Variants in AUTS2 observed in about 807,000 individuals in gnomAD.
The protein encoded by AUTS2 is autism susceptibility gene 2 protein.
In AUTS2, 17 loss-of-function variants were observed where a neutral mutation model predicts 112.4. That is an observed-to-expected ratio of 0.15 (90% CI 0.10 to 0.23). AUTS2 has a LOEUF of 0.23. Among genes scored for constraint, AUTS2 ranks in the 10% least tolerant of loss-of-function variants. The pLI is 1.00. For synonymous variants in AUTS2, 751 were observed against 702.7 expected (o/e 1.07, Z -1.09); for missense variants, 1,510 against 1,701.6 (o/e 0.89, Z 1.98).
At position 70,764,752 on chromosome 7, in the gene AUTS2, C is replaced by T; in HGVS notation, c.1215C>T (p.Ser405=). The T allele has an allele frequency of 1.4e-6, 1 of 729,428 alleles. No homozygotes were observed. The highest frequency in any genetic ancestry group is 2.5e-6 in the Non-Finnish European group (1 of 395,738). 45.2% of individuals were successfully genotyped at this position (729,428 alleles called of 1,614,324 possible). A position where few individuals can be genotyped will look rare whatever the true frequency, so the allele number is the denominator to read the frequency against. ...TTTCTTTTTTTTCTTGTTCCGATAG[C>T]AGCAGCAGAAGCAGCACTCCAGCGA... ...NSSSLSLNSL[S]SSRSSTPAKT... Residue 405 remains serine, a splice_region_variant and synonymous_variant, in exon 8 of 19, where the codon AGC becomes AGT. Transcript: ENST00000342771.
chr7:69,976,813 G>A (rs964003468), intron 2 of AUTS2, among the ~76,000 whole-genome samples: 6 of 152,086 alleles, frequency 3.9e-5, no homozygotes, highest in Non-Finnish European at 5.9e-5. Flanking sequence ...TTTGGTTGCA[G>A]AAGTTCTTTA....
intron 4 of AUTS2, among the ~76,000 whole-genome samples, chr7:70,303,844 T>C (rs903002055): frequency 1.3e-5 from 2 of 152,204 alleles, no homozygotes; most frequent in African/African-American, 4.8e-5. Context: ...TCTCATTTTC[T>C]TTTAGATGTA....
chr7:70,151,711 C>G (rs1584796185), intron 4 of AUTS2, among the ~76,000 whole-genome samples: 1 of 152,092 alleles, frequency 6.6e-6, no homozygotes, highest in African/African-American at 2.4e-5. Flanking sequence ...CTTGGCTTCC[C>G]AAAGAGCTGG....
chr7:69,607,229 T>A (rs536253707), intron 1 of AUTS2, among the ~76,000 whole-genome samples: 1 of 152,174 alleles, frequency 6.6e-6, no homozygotes, highest in Non-Finnish European at 1.5e-5. Flanking sequence ...ATTGGTGCCT[T>A]CTTTGAAGGT....
intron 4 of AUTS2, among the ~76,000 whole-genome samples, chr7:70,179,247 G>T (rs1390474704): frequency 1.3e-5 from 2 of 152,196 alleles, no homozygotes; most frequent in Non-Finnish European, 2.9e-5. Flanking sequence ...CATTCTTACA[G>T]ACACGTCTTT....
chr7:70,116,748 A>G (rs967429401), intron 2 of AUTS2, among the ~76,000 whole-genome samples: 1 of 152,154 alleles, frequency 6.6e-6, no homozygotes, highest in African/African-American at 2.4e-5. Flanking sequence ...AGTTTAATCT[A>G]CTTTTAAAAT....
intron 4 of AUTS2, among the ~76,000 whole-genome samples, chr7:70,239,586 C>A (rs190357674): frequency 2.0e-5 from 3 of 152,162 alleles, no homozygotes; most frequent in Non-Finnish European, 4.4e-5. Context: ...CAGGCACCCA[C>A]CACCATGCCT....
At chr7:69,768,774 A>G (rs1788538663) in intron 1 of AUTS2, among the ~76,000 whole-genome samples, 1 of 152,164 alleles carries the variant, frequency 6.6e-6, no homozygotes, top group African/African-American at 2.4e-5. Context: ...GTCACAGAGG[A>G]GGAAATAATG....
intron 14 of AUTS2, among the ~76,000 whole-genome samples, chr7:70,780,711 G>A (rs1791014672): frequency 6.6e-6 from 1 of 152,174 alleles, no homozygotes; most frequent in Admixed American, 6.5e-5. Flanking sequence ...ATTACAGGTA[G>A]TAGGAAGAGA....
At chr7:69,810,183 C>T (rs531425018) in intron 1 of AUTS2, among the ~76,000 whole-genome samples, 1 of 152,312 alleles carries the variant, frequency 6.6e-6, no homozygotes, top group East Asian at 1.9e-4. Context: ...TCTTTATGTG[C>T]CACATAACAG....
chr7:70,701,834 C>T (rs775812655), intron 6 of AUTS2, among the ~76,000 whole-genome samples: 1 of 152,028 alleles, frequency 6.6e-6, no homozygotes, highest in Non-Finnish European at 1.5e-5. Flanking sequence ...TTTATGAATC[C>T]TTCTGTCTTT....
intron 1 of AUTS2, among the ~76,000 whole-genome samples, chr7:69,630,387 A>G (rs1412109015): frequency 1.3e-5 from 2 of 152,228 alleles, no homozygotes; most frequent in Non-Finnish European, 2.9e-5. Flanking sequence ...CTTGTCAGGA[A>G]GACTTAGTGT....
chr7:70,534,810 T>C (rs1029309080), intron 5 of AUTS2, among the ~76,000 whole-genome samples: 5 of 152,072 alleles, frequency 3.3e-5, no homozygotes. Context: ...ACCATATAGG[T>C]AATAGTAATG....
At chr7:70,714,876 GT>G (rs1810269062) in intron 6 of AUTS2, among the ~76,000 whole-genome samples, 1 of 152,218 alleles carries the variant, frequency 6.6e-6, no homozygotes, top group Non-Finnish European at 1.5e-5. Flanking sequence ...GGGTGTCCCA[GT>G]TTTAGTGATG....
rs185057128 is a variant in AUTS2, at chr7:69,956,184, G to T, written c.522+56686G>T. On this transcript the variant is annotated intron_variant, in intron 2 of 18. Coordinates refer to ENST00000342771, the MANE Select transcript of AUTS2 (RefSeq NM_015570.4). ...CTGGCATTTTGACCACACTAATTGT[G>T]CTGGCATCTCATTCCAGGGAGTATG... Among the ~76,000 whole-genome samples, 582 of 152,028 alleles carry T rather than the reference G, an allele frequency of 3.8e-3. 4 individuals are homozygous for T. The highest frequency in any genetic ancestry group is 8.5e-3 in the South Asian group (41 of 4,810).
At chr7:69,995,206 A>G (rs1228647853) in intron 2 of AUTS2, among the ~76,000 whole-genome samples, 2 of 152,184 alleles carry the variant, frequency 1.3e-5, no homozygotes, top group Non-Finnish European at 2.9e-5. Flanking sequence ...GCAAAGAAAT[A>G]TAGCTGTAAT....
chr7:70,154,055 C>T (rs1186507438), intron 4 of AUTS2, among the ~76,000 whole-genome samples: 1 of 152,164 alleles, frequency 6.6e-6, no homozygotes, highest in East Asian at 1.9e-4. Context: ...AGATATTTAC[C>T]TCCCACTGTT....
chr7:70,486,812 G>A (rs556761912), intron 5 of AUTS2, among the ~76,000 whole-genome samples: 2 of 151,866 alleles, frequency 1.3e-5, no homozygotes, highest in African/African-American at 2.4e-5. Flanking sequence ...GCGTTGGCTG[G>A]TAGTCTGTGG....
At chr7:70,494,141 T>G (rs1798357137) in intron 5 of AUTS2, among the ~76,000 whole-genome samples, 1 of 152,220 alleles carries the variant, frequency 6.6e-6, no homozygotes, top group Non-Finnish European at 1.5e-5. Flanking sequence ...GAGCTGATCT[T>G]TGTGACCAAC....
Sources: allele counts gnomAD v4.1 joint callset (sites outside exome capture counted in the v4.1 genomes callset), GRCh38; gene constraint gnomAD v4.1.1; transcripts MANE v1.5; gene names NCBI Gene and HGNC (gene_info 2026-07-23, HGNC 2026-07-21).